Variants in THRAP3 observed in about 807,000 individuals in gnomAD.
THRAP3 encodes thyroid hormone receptor-associated protein 3.
THRAP3 carries 16 observed loss-of-function variants against 101.0 expected under a neutral mutation model. The observed-to-expected ratio is 0.16, with a 90% CI of 0.11 to 0.24. THRAP3 has a LOEUF of 0.24. Among genes scored for constraint, THRAP3 ranks in the 10% least tolerant of loss-of-function variants. THRAP3 has a pLI of 1.00. For missense variants in THRAP3, 989 were observed against 1,202.7 expected (o/e 0.82, Z 2.63); for synonymous variants, 407 against 422.6 (o/e 0.96, Z 0.45).
At chr1:36,252,933 T>TGC (rs1391656747) in intron 1 of THRAP3, among the ~76,000 whole-genome samples, 5 of 68,092 alleles carry the variant, frequency 7.3e-5, no homozygotes, top group African/African-American at 1.8e-4. Context: ...TAGGCATATA[T>TGC]ATATATATAT....
intron 1 of THRAP3, among the ~76,000 whole-genome samples, chr1:36,249,136 G>T (rs953467333): frequency 6.6e-6 from 1 of 151,376 alleles, no homozygotes; most frequent in Non-Finnish European, 1.5e-5. Context: ...TGTCCACCTG[G>T]GCCTCCCAAA....
chr1:36,302,867 T>G (rs970287279), intron 11 of THRAP3, among the ~76,000 whole-genome samples: 1 of 152,106 alleles, frequency 6.6e-6, no homozygotes, highest in African/African-American at 2.4e-5. Flanking sequence ...AAAAATGAAA[T>G]GTAGGTTAAG....
the THRAP3 span, among the ~76,000 whole-genome samples, chr1:36,216,752 C>G: frequency 6.6e-6 from 1 of 152,100 alleles, no homozygotes; most frequent in South Asian, 2.1e-4. Flanking sequence ...GCACTCCAGT[C>G]TGTGGGACAG....
chr1:36,287,205 C>A lies in THRAP3; in HGVS notation c.975C>A (p.Gly325=), dbSNP rs1253742516. The change falls in exon 4 of 12, where the codon GGC becomes GGA. Residue 325 remains glycine (G), a synonymous_variant. Coordinates refer to ENST00000354618, the MANE Select transcript of THRAP3 (RefSeq NM_005119.4). The stretch of plus-strand genomic sequence containing the variant: ...TGGGTAAGAGTCCACCATCCACTGG[C>A]TCCACATATGGCTCATCTCAGAAGG... The part of the protein sequence containing the change: ...SPVGKSPPST[G]STYGSSQKEE... The A allele has an allele frequency of 6.2e-7, 1 of 1,614,138 alleles. No homozygotes were observed. The highest frequency in any genetic ancestry group is 2.2e-5 in the East Asian group (1 of 44,884).
At chr1:36,253,403 A>G (rs917231645) in intron 1 of THRAP3, among the ~76,000 whole-genome samples, 1 of 152,188 alleles carries the variant, frequency 6.6e-6, no homozygotes, top group Non-Finnish European at 1.5e-5. Flanking sequence ...AATATGCTGG[A>G]ACTGTAGTTT....
At chr1:36,227,225 G>A (rs1644972072) in intron 1 of THRAP3, among the ~76,000 whole-genome samples, 1 of 152,128 alleles carries the variant, frequency 6.6e-6, no homozygotes, top group Non-Finnish European at 1.5e-5. Flanking sequence ...CTGATGGTAG[G>A]AAGGATTGCC....
In THRAP3 at chr1:36,300,936, A is replaced by G; in HGVS notation, c.2354A>G (p.Gln785Arg). ...DRSRSSSSSS[Q>R]SSHSYKAEEY... ...TCCAGATCCTCCTCCTCTTCCTCCCAGTCATCTCACTCCTACAAAGCAGAA... is the reference window on the plus strand; with the variant it reads ...TCCAGATCCTCCTCCTCTTCCTCCCGGTCATCTCACTCCTACAAAGCAGAA... The change falls in exon 10 of 12, where the codon CAG becomes CGG. Residue 785 changes from glutamine (Q) to arginine (R), a missense_variant. By Grantham distance (43) the Gln-to-Arg change is conservative. Transcript: ENST00000354618. The G allele has an allele frequency of 1.2e-6, 2 of 1,614,052 alleles. No homozygotes were observed. Among genetic ancestry groups the G allele is most frequent in the Non-Finnish European group, 8.5e-7 (1 of 1,179,998 alleles).
intron 3 of THRAP3, among the ~76,000 whole-genome samples, chr1:36,285,577 G>A (rs1182759109): frequency 6.6e-6 from 1 of 152,092 alleles, no homozygotes; most frequent in Non-Finnish European, 1.5e-5. Flanking sequence ...ACCGGGGTGG[G>A]GGTGTTTTTT....
chr1:36,264,037 T>C (rs931441210), intron 2 of THRAP3, among the ~76,000 whole-genome samples: 18 of 152,374 alleles, frequency 1.2e-4, no homozygotes, highest in African/African-American at 4.1e-4. Context: ...TGATCACTTA[T>C]TACTTGTAGG....
intron 8 of THRAP3, among the ~76,000 whole-genome samples, chr1:36,295,480 G>A (rs892025664): frequency 3.9e-5 from 6 of 152,032 alleles, no homozygotes; most frequent in African/African-American, 1.4e-4. Flanking sequence ...CTGAGCAGGT[G>A]TGCTGTTGCT....
At chr1:36,213,704 G>A in the THRAP3 span, among the ~76,000 whole-genome samples, 2 of 151,600 alleles carry the variant, frequency 1.3e-5, no homozygotes, top group South Asian at 2.1e-4. Context: ...AAAATTAGCC[G>A]GGCATGGTGG....
chr1:36,228,313 G>T (rs774732157), intron 1 of THRAP3, among the ~76,000 whole-genome samples: 2 of 152,066 alleles, frequency 1.3e-5, no homozygotes, highest in Non-Finnish European at 2.9e-5. Flanking sequence ...TGCCTCCAGG[G>T]TTCAAGCGAT....
chr1:36,244,847 A>G (rs1210088036), intron 1 of THRAP3, among the ~76,000 whole-genome samples: 1 of 151,932 alleles, frequency 6.6e-6, no homozygotes, highest in Non-Finnish European at 1.5e-5. Flanking sequence ...CCTCCTGAGT[A>G]GCTGGGATTA....
intron 2 of THRAP3, among the ~76,000 whole-genome samples, chr1:36,269,225 G>C (rs1376987280): frequency 1.3e-5 from 2 of 152,134 alleles, no homozygotes. Context: ...AATTTGCCAG[G>C]CTGGTTCCAC....
At position 36,260,070 on chromosome 1, in the gene THRAP3, C is replaced by T. The variant is rs536795552; in HGVS notation, c.-32+586C>T. Reference sequence around the variant, plus strand: ...CAGCCTGGCCAACATAGTGAAACCCCGTCTCTACTAAAAATACAAAAATTA... The same window carrying T: ...CAGCCTGGCCAACATAGTGAAACCCTGTCTCTACTAAAAATACAAAAATTA... On this transcript the variant is annotated intron_variant, in intron 2 of 11. Coordinates refer to ENST00000354618, the MANE Select transcript of THRAP3 (RefSeq NM_005119.4). Among the ~76,000 whole-genome samples, 199 of 151,716 alleles carry T rather than the reference C, an allele frequency of 1.3e-3. 1 individual carries two copies. The highest frequency in any genetic ancestry group is 2.1e-3 in the Non-Finnish European group (145 of 67,892).
At chr1:36,212,258 C>T in the THRAP3 span, among the ~76,000 whole-genome samples, 1,708 of 152,230 alleles carry the variant, frequency 0.011, 33 homozygotes, top group South Asian at 0.048. Context: ...GGTTCAGCCA[C>T]GGTCTCAGGC....
chr1:36,216,340 T>C, the THRAP3 span, among the ~76,000 whole-genome samples: 2 of 150,648 alleles, frequency 1.3e-5, no homozygotes, highest in African/African-American at 4.9e-5. Context: ...GCCAACATGG[T>C]GAAACCCCGT....
chr1:36,237,144 A>G (rs1489534681), intron 1 of THRAP3, among the ~76,000 whole-genome samples: 1 of 151,200 alleles, frequency 6.6e-6, no homozygotes, highest in African/African-American at 2.4e-5. Context: ...CTTGGGCAAT[A>G]AGAGTGAAAC....
Position 36,260,821 on chromosome 1 carries a change from CAAAA to C in THRAP3, c.-32+1352_-32+1355del, listed in dbSNP as rs34066117. ...TGGGCTACAGAGCAAGACTACGTCT[CAAAA>C]AAAAAAAAAAAAAAGGCACTCTGGT... is the stretch of plus-strand genomic sequence containing the variant. On this transcript the variant is annotated intron_variant, in intron 2 of 11. Coordinates refer to ENST00000354618, the MANE Select transcript of THRAP3 (RefSeq NM_005119.4). Among the ~76,000 whole-genome samples, 5 of 70,200 alleles carry C rather than the reference CAAAA, an allele frequency of 7.1e-5. No individual in the cohort carries two copies. In the East Asian group the frequency reaches 2.2e-3, roughly 31 times the overall value. The allele number at this position is 70,200 out of a possible 152,430, so 46.1% of individuals were successfully genotyped here. A position where few individuals can be genotyped will look rare whatever the true frequency, so the allele number is the denominator to read the frequency against.
Sources: gnomAD v4.1 joint callset for allele counts (sites outside exome capture counted in the v4.1 genomes callset) on GRCh38, gnomAD v4.1.1 for gene constraint, MANE v1.5 for transcripts, NCBI Gene and HGNC (gene_info 2026-07-23, HGNC 2026-07-21) for gene names.